Variants in NEDD9 observed in about 807,000 individuals in gnomAD.
NEDD9 encodes the protein enhancer of filamentation 1.
Under a neutral mutation model 76.6 loss-of-function variants are expected in NEDD9, and 26 were observed. The ratio of observed to expected loss-of-function variants is 0.34; its 90% CI spans 0.25 to 0.47. The LOEUF (loss-of-function observed/expected upper bound fraction) is 0.47. NEDD9 is among the 20% of genes least tolerant of loss of function. NEDD9 has a pLI of 1.00. For synonymous variants in NEDD9, 392 were observed against 414.2 expected, an observed-to-expected ratio of 0.95 and a Z score of 0.65; for missense variants, 937 against 1,058.5, an observed-to-expected ratio of 0.89 and a Z score of 1.59.
At position 11,190,621 on chromosome 6, in the gene NEDD9, G is replaced by T; in HGVS notation, c.1248C>A (p.Leu416=). The change falls in exon 5 of 7, where the codon CTC becomes CTA. Residue 416 remains leucine (L), a synonymous_variant. Transcript: ENST00000379446. The surrounding 1 kb of genome is among the most constrained non-coding windows in gnomAD (Gnocchi z 5.8). ...AGACACCCATCTCAAGGGCCTGCTG[G>T]AGCCGCTGAAGTCTCTCAATAGCTG... ...PDTAIERLQR[L]QQALEMGVSS... is the part of the protein sequence containing the mutation. 6.2e-7 allele frequency: 1 copy of T among 1,614,178 alleles called. No individual in the cohort carries two copies. The highest frequency in any genetic ancestry group is 1.6e-4 in the Middle Eastern group (1 of 6,062).
intron 2 of NEDD9, among the ~76,000 whole-genome samples, chr6:11,324,119 A>G (rs745741807): frequency 8.5e-5 from 13 of 152,182 alleles, no homozygotes; most frequent in Non-Finnish European, 1.8e-4. Flanking sequence ...CCACGTGGCC[A>G]CTGGTTTCCG....
chr6:11,322,057 T>C (rs1490332042), intron 2 of NEDD9, among the ~76,000 whole-genome samples: 1 of 152,176 alleles, frequency 6.6e-6, no homozygotes, highest in Non-Finnish European at 1.5e-5. Context: ...ATCATCATCC[T>C]CAGCCAATTA....
chr6:11,247,008 C>T (rs1244657841), intron 3 of NEDD9, among the ~76,000 whole-genome samples: 1 of 152,088 alleles, frequency 6.6e-6, no homozygotes. Flanking sequence ...GTGGCTCTTC[C>T]CTGCCCAGCC....
rs550964347 is a variant in NEDD9, at chr6:11,256,450, G to A, written c.13-42723C>T. ...ATTCACCAAACAATTACCAAGAAGCGTAGGTGGTATCTCTTTCACAGAATT... is the reference window on the plus strand; with the variant it reads ...ATTCACCAAACAATTACCAAGAAGCATAGGTGGTATCTCTTTCACAGAATT... On this transcript the variant is annotated intron_variant, in intron 3 of 3. Transcript: ENST00000397378. Among the ~76,000 whole-genome samples, 13 of 152,240 alleles carry A rather than the reference G, an allele frequency of 8.5e-5. No homozygotes were observed. The East Asian group carries it at 9.6e-4, about 11-fold the overall frequency.
At chr6:11,338,920 C>CAAAA (rs34260918) in intron 1 of NEDD9, among the ~76,000 whole-genome samples, 36 of 77,606 alleles carry the variant, frequency 4.6e-4, no homozygotes, top group African/African-American at 1.3e-3. Context: ...GACTCTGTCT[C>CAAAA]AAAAAAAAAA....
intron 3 of NEDD9, among the ~76,000 whole-genome samples, chr6:11,257,549 C>T (rs1340454950): frequency 6.6e-6 from 1 of 152,166 alleles, no homozygotes; most frequent in Non-Finnish European, 1.5e-5. Flanking sequence ...TTCTTTTTGT[C>T]AGTGTTCCCA....
At chr6:11,230,458 A>G (rs1273178483) in intron 1 of NEDD9, among the ~76,000 whole-genome samples, 1 of 152,174 alleles carries the variant, frequency 6.6e-6, no homozygotes, top group Non-Finnish European at 1.5e-5. Context: ...CTATTGGGAG[A>G]GTTGAATATG....
intron 2 of NEDD9, among the ~76,000 whole-genome samples, chr6:11,308,500 G>T (rs1336713033): frequency 6.7e-6 from 1 of 150,246 alleles, no homozygotes; most frequent in African/African-American, 2.4e-5. Context: ...CTCCCGAGTA[G>T]CTGGGACTAC....
Position 11,190,864 on chromosome 6 carries a change from T to A in NEDD9, c.1005A>T (p.Lys335Asn). ...FLEPPAETSE[K>N]ANPQERDGVY... ...CACCATCCCTTTCCTGGGGGTTTGCTTTCTCACTGGTTTCTGCTGGTGGCT... is the reference window on the plus strand; with the variant it reads ...CACCATCCCTTTCCTGGGGGTTTGCATTCTCACTGGTTTCTGCTGGTGGCT... Residue 335 changes from lysine to asparagine, a missense_variant, in exon 5 of 7, where the codon AAA becomes AAT. Coordinates refer to ENST00000379446, the MANE Select transcript of NEDD9 (RefSeq NM_006403.4). The surrounding 1 kb of genome is among the most constrained non-coding windows in gnomAD (Gnocchi z 5.8). The A allele has an allele frequency of 6.2e-7, 1 of 1,614,120 alleles. No homozygotes were observed. The highest frequency in any genetic ancestry group is 1.1e-5 in the South Asian group (1 of 91,068).
At chr6:11,380,815 C>G (rs1561853406) in intron 1 of NEDD9, among the ~76,000 whole-genome samples, 1 of 152,082 alleles carries the variant, frequency 6.6e-6, no homozygotes, top group African/African-American at 2.4e-5. Context: ...TCTTCTTCTT[C>G]TTCTTCTTCT....
intron 1 of NEDD9, among the ~76,000 whole-genome samples, chr6:11,346,814 G>A (rs914182970): frequency 6.6e-6 from 1 of 152,138 alleles, no homozygotes; most frequent in African/African-American, 2.4e-5. Flanking sequence ...CACCCATGTG[G>A]AGAGGATGTG....
intron 1 of NEDD9, among the ~76,000 whole-genome samples, chr6:11,357,347 G>A (rs116544404): frequency 0.012 from 1,803 of 152,196 alleles, 37 homozygotes; most frequent in African/African-American, 0.041. Flanking sequence ...CTGCCACAGC[G>A]GCAGGCAGCT....
chr6:11,361,602 G>T (rs1762680816), intron 1 of NEDD9, among the ~76,000 whole-genome samples: 1 of 152,126 alleles, frequency 6.6e-6, no homozygotes, highest in Admixed American at 6.6e-5. Context: ...TTCAGCACTG[G>T]AGATTACAAT....
Position 11,322,654 on chromosome 6 carries a change from G to T in NEDD9, c.-153+11847C>A, listed in dbSNP as rs539303076. 3.3e-5 allele frequency among the ~76,000 whole-genome samples: 5 copies of T among 152,236 alleles called. No individual in the cohort carries two copies. In the East Asian group the frequency reaches 9.6e-4, roughly 29 times the overall value. On this transcript the variant is annotated intron_variant, in intron 2 of 3. Transcript: ENST00000397378. Reference sequence around the variant, plus strand: ...TCCTTCCCTCCTTCCCTGATGGTTTGCCAGGAAGCACAGAATAATGGAGTT... The same window carrying T: ...TCCTTCCCTCCTTCCCTGATGGTTTTCCAGGAAGCACAGAATAATGGAGTT...
At chr6:11,192,545 A>G in intron 3 of NEDD9, 99 bp from the exon 4 acceptor site, 2 of 804,038 alleles carry the variant, frequency 2.5e-6, no homozygotes, top group Non-Finnish European at 4.0e-6. Context: ...TTACCAGGTT[A>G]TGTACAAGCT....
intron 3 of NEDD9, among the ~76,000 whole-genome samples, chr6:11,245,943 G>GTT (rs35131387): frequency 2.0e-4 from 30 of 148,808 alleles, no homozygotes; most frequent in Middle Eastern, 3.4e-3. Context: ...ACATGGTTTA[G>GTT]TTTTTTTTTT....
At chr6:11,269,728 A>G (rs970543413) in intron 3 of NEDD9, among the ~76,000 whole-genome samples, 1 of 152,216 alleles carries the variant, frequency 6.6e-6, no homozygotes, top group Admixed American at 6.5e-5. Flanking sequence ...TTATTAATTG[A>G]GTTGTGCCAG....
intron 1 of NEDD9, among the ~76,000 whole-genome samples, chr6:11,220,160 G>A (rs1018731736): frequency 2.0e-5 from 3 of 152,104 alleles, no homozygotes; most frequent in African/African-American, 7.2e-5. Context: ...ACTAATCCCT[G>A]GCATCCTTCT....
intron 1 of NEDD9, chr6:11,352,794 A>G (rs1458855117): frequency 6.6e-6 from 1 of 152,246 alleles, no homozygotes; most frequent in Non-Finnish European, 1.5e-5. Context: ...TTAAAAACAG[A>G]AGTGACAGCG....
Sources: gnomAD v4.1 joint callset for allele counts (sites outside exome capture counted in the v4.1 genomes callset) on GRCh38, gnomAD v4.1.1 for gene constraint, Gnocchi (gnomAD v3.1) non-coding constraint, MANE v1.5 for transcripts, NCBI Gene and HGNC (gene_info 2026-07-23, HGNC 2026-07-21) for gene names.